Variants in CYSTM1 observed in about 807,000 individuals in gnomAD.
CYSTM1 encodes cysteine-rich transmembrane module-containing protein 1.
In CYSTM1, 4 loss-of-function variants were observed where a neutral mutation model predicts 13.1. The ratio of observed to expected loss-of-function variants is 0.31; its 90% confidence interval spans 0.15 to 0.70. The LOEUF (loss-of-function observed/expected upper bound fraction) is 0.70. Among genes scored for constraint, CYSTM1 ranks in the 30% least tolerant of loss-of-function variants. The pLI is 0.72. For synonymous variants in CYSTM1, 36 were observed against 42.7 expected, an observed-to-expected ratio of 0.84 and a Z score of 0.62; for missense variants, 96 against 121.6, an observed-to-expected ratio of 0.79 and a Z score of 0.99.
intron 2 of CYSTM1, among the ~76,000 whole-genome samples, chr5:140,204,774 C>CGT (rs10693083): frequency 0.23 from 34,852 of 151,452 alleles, 4,004 homozygotes; most frequent in African/African-American, 0.25. Context: ...GTGCTGAGCG[C>CGT]GTGTGTGTGT....
In CYSTM1 at chr5:140,242,798, G is replaced by T. The variant is rs182420181; in HGVS notation, c.188-507G>T. Among the ~76,000 whole-genome samples, 154 of 152,308 alleles carry T rather than the reference G, an allele frequency of 1.0e-3. 1 individual carries two copies. The highest frequency in any genetic ancestry group is 3.4e-3 in the Middle Eastern group (1 of 294). Reference sequence around the variant, plus strand: ...GCCTTCCTTCATCGTTTATGTCAAGGTATAGAGGTTGGGGGCACATTCTGA... The same window carrying T: ...GCCTTCCTTCATCGTTTATGTCAAGTTATAGAGGTTGGGGGCACATTCTGA... On this transcript the variant is annotated intron_variant, in intron 2 of 2. Coordinates refer to ENST00000261811, the MANE Select transcript of CYSTM1 (RefSeq NM_032412.4).
Position 140,243,329 on chromosome 5 carries a change from G to T in CYSTM1, c.212G>T (p.Arg71Ile), listed in dbSNP as rs748268518. The change falls in exon 3 of 3, where the codon AGA (arginine) becomes ATA (isoleucine). Residue 71 changes from arginine (R) to isoleucine (I), a missense_variant. By Grantham distance (97) the Arg-to-Ile change is moderately conservative. Coordinates refer to ENST00000261811, the MANE Select transcript of CYSTM1 (RefSeq NM_032412.4). ...GTGTATGTGGTAGAAGACCAAAGAAGAGATGAGCTAGGACCATCCACCTGC... is the reference window on the plus strand; with the variant it reads ...GTGTATGTGGTAGAAGACCAAAGAATAGATGAGCTAGGACCATCCACCTGC... ...TTVYVVEDQR[R>I]DELGPSTCLT... 1 of 1,614,118 alleles carries T rather than the reference G, an allele frequency of 6.2e-7. No homozygotes were observed. The highest frequency in any genetic ancestry group is 8.5e-7 in the Non-Finnish European group (1 of 1,180,016).
At chr5:140,206,095 C>T (rs1367642702) in intron 2 of CYSTM1, among the ~76,000 whole-genome samples, 1 of 152,186 alleles carries the variant, frequency 6.6e-6, no homozygotes, top group Admixed American at 6.5e-5. Context: ...CCCTCCCTTC[C>T]TCACCAGGCA....
intron 2 of CYSTM1, among the ~76,000 whole-genome samples, chr5:140,236,753 C>T (rs1341705086): frequency 1.1e-4 from 16 of 152,212 alleles, no homozygotes; most frequent in Non-Finnish European, 4.4e-5. Flanking sequence ...GCCAGGACCT[C>T]GGCTCAGGTC....
intron 2 of CYSTM1, among the ~76,000 whole-genome samples, chr5:140,226,427 G>A (rs1431166707): frequency 2.9e-5 from 4 of 139,114 alleles, no homozygotes; most frequent in Non-Finnish European, 6.2e-5. Context: ...TCAGGAGTTC[G>A]AGACCAGCCT....
chr5:140,187,462 T>G (rs1049086250), intron 1 of CYSTM1, among the ~76,000 whole-genome samples: 5 of 152,094 alleles, frequency 3.3e-5, no homozygotes, highest in Non-Finnish European at 5.9e-5. Context: ...TCTCCCAGGC[T>G]CAAGTGATTC....
At chr5:140,192,078 C>CA (rs1030292203) in intron 1 of CYSTM1, among the ~76,000 whole-genome samples, 4 of 152,004 alleles carry the variant, frequency 2.6e-5, no homozygotes, top group African/African-American at 9.7e-5. Context: ...AAGATGGTGT[C>CA]AAAAATGGGA....
chr5:140,240,002 G>A (rs939042607), intron 2 of CYSTM1, among the ~76,000 whole-genome samples: 8 of 152,064 alleles, frequency 5.3e-5, no homozygotes, highest in East Asian at 1.9e-4. Context: ...CCCTGCCCGC[G>A]TCAGGAGCTG....
intron 2 of CYSTM1, among the ~76,000 whole-genome samples, chr5:140,195,609 T>C (rs1764145917): frequency 6.6e-6 from 1 of 151,544 alleles, no homozygotes; most frequent in Non-Finnish European, 1.5e-5. Context: ...GCCCGGCTAA[T>C]TTTTTGTATT....
At chr5:140,206,502 C>T (rs1764299547) in intron 2 of CYSTM1, among the ~76,000 whole-genome samples, 1 of 152,192 alleles carries the variant, frequency 6.6e-6, no homozygotes, top group South Asian at 2.1e-4. Context: ...TCTGGCCTTA[C>T]CTTGGGTTCC....
At chr5:140,198,587 C>A (rs1438923043) in intron 2 of CYSTM1, among the ~76,000 whole-genome samples, 1 of 152,202 alleles carries the variant, frequency 6.6e-6, no homozygotes, top group East Asian at 1.9e-4. Context: ...CCAGAACTGG[C>A]ACAGCATCAC....
chr5:140,216,427 A>G (rs979077170), intron 2 of CYSTM1, among the ~76,000 whole-genome samples: 6 of 152,218 alleles, frequency 3.9e-5, no homozygotes, highest in African/African-American at 1.4e-4. Flanking sequence ...AGAGCTGAAG[A>G]GGACCCAGCT....
chr5:140,185,434 A>G (rs1320854495), intron 1 of CYSTM1, among the ~76,000 whole-genome samples: 1 of 152,252 alleles, frequency 6.6e-6, no homozygotes, highest in Non-Finnish European at 1.5e-5. Flanking sequence ...AACAAGAGAT[A>G]TTGAATGAAG....
rs577709524 is a variant in CYSTM1 at position 140,178,441 on chromosome 5, C to CTTTTTT, written c.-21+3176_-21+3181dup. 2.5e-4 allele frequency among the ~76,000 whole-genome samples: 13 copies of CTTTTTT among 52,628 alleles called. 1 individual carries two copies. Among genetic ancestry groups the CTTTTTT allele is most frequent in the African/African-American group, 1.0e-3 (12 of 11,788 alleles). 34.5% of individuals were successfully genotyped at this position (52,628 alleles called of 152,430 possible). On this transcript the variant is annotated intron_variant, in intron 1 of 2. Coordinates refer to ENST00000261811, the MANE Select transcript of CYSTM1 (RefSeq NM_032412.4). ...TGGAAAAGCCCTATTCAAGTCCTTC[C>CTTTTTT]TTTTTTTTTTTTTTTTTTTTTTTTT... is the stretch of plus-strand genomic sequence containing the variant.
chr5:140,193,187 G>A (rs1764112814), intron 1 of CYSTM1, among the ~76,000 whole-genome samples: 1 of 152,212 alleles, frequency 6.6e-6, no homozygotes, highest in Admixed American at 6.5e-5. Flanking sequence ...TGTAAGATAT[G>A]GGTAACAGTA....
At chr5:140,211,857 G>T (rs1350938710) in intron 2 of CYSTM1, among the ~76,000 whole-genome samples, 1 of 152,202 alleles carries the variant, frequency 6.6e-6, no homozygotes, top group African/African-American at 2.4e-5. Context: ...TGAGGCAGGA[G>T]AATTGCTTAG....
intron 1 of CYSTM1, among the ~76,000 whole-genome samples, chr5:140,184,645 A>T (rs1409800322): frequency 6.6e-6 from 1 of 152,134 alleles, no homozygotes; most frequent in African/African-American, 2.4e-5. Flanking sequence ...AGTTGTTGAT[A>T]TTTTCAGGTA....
intron 2 of CYSTM1, among the ~76,000 whole-genome samples, chr5:140,203,707 G>A (rs1764257353): frequency 6.6e-6 from 1 of 152,170 alleles, no homozygotes; most frequent in African/African-American, 2.4e-5. Flanking sequence ...ATACTCCTGT[G>A]AATTGGTTAG....
At position 140,243,551 on chromosome 5, in the gene CYSTM1, G is replaced by T. The variant is rs1764779354; in HGVS notation, c.*140G>T. On this transcript the variant is annotated 3_prime_UTR_variant, in exon 3 of 3. Coordinates refer to ENST00000261811, the MANE Select transcript of CYSTM1 (RefSeq NM_032412.4). ...CTACCTTCAGCACTATGGGATTCTA[G>T]ATTAATGGGGGTTGCTACTGTTTAA... 1.7e-6 allele frequency: 1 copy of T among 599,466 alleles called. No homozygotes were observed. Among genetic ancestry groups the T allele is most frequent in the South Asian group, 2.3e-5 (1 of 43,786 alleles). The allele number at this position is 599,466 out of a possible 1,614,324, so 37.1% of individuals were successfully genotyped here.
Sources: gnomAD v4.1 joint callset for allele counts (sites outside exome capture counted in the v4.1 genomes callset) on GRCh38, gnomAD v4.1.1 for gene constraint, MANE v1.5 for transcripts, NCBI Gene and HGNC (gene_info 2026-07-23, HGNC 2026-07-21) for gene names.